Variants in RPAP1 observed in about 807,000 individuals in gnomAD.
The protein encoded by RPAP1 is RNA polymerase II-associated protein 1.
RPAP1 carries 109 observed loss-of-function variants against 142.4 expected under a neutral mutation model. The observed-to-expected ratio is 0.77, with a 90% CI of 0.66 to 0.90. The LOEUF is 0.90. Ranked by LOEUF, RPAP1 falls within the 40% of genes least tolerant of loss-of-function variation. The pLI, the probability that RPAP1 is intolerant of heterozygous loss-of-function variation, is 0.00. For missense variants in RPAP1, 1,546 were observed against 1,751.7 expected (o/e 0.88, Z 2.10); for synonymous variants, 704 against 738.9 (o/e 0.95, Z 0.77).
rs78303591 is a variant in RPAP1, at chr15:41,521,875, C to T, written c.2901G>A (p.Ala967=). Residue 967 remains alanine (A), a synonymous_variant, in exon 21 of 25, where the codon GCG becomes GCA. Coordinates refer to ENST00000304330, the MANE Select transcript of RPAP1 (RefSeq NM_015540.4). ...LALALAQKAA[A]LQPLPATHAA... ...CATGGGTGGCTGGCAGTGGCTGCAG[C>T]GCTGCCTGCAGACAGAAAAGCAGGG... 2.4e-5 allele frequency: 38 copies of T among 1,613,420 alleles called. No individual in the cohort carries two copies. The East Asian group carries it at 6.7e-4, about 28-fold the overall frequency.
chr15:41,529,535 G>A lies in RPAP1; in HGVS notation c.1093C>T (p.Leu365=), dbSNP rs2051827080. The part of the protein sequence containing the change: ...MQARFSLQGE[L]LAPDVDLPTH... The stretch of plus-strand genomic sequence containing the variant: ...GGCAGGTCCACGTCAGGGGCCAGTA[G>A]TTCTCCCTGAAGACTGAATCGAGCC... Residue 365 remains leucine (L), a synonymous_variant, in exon 9 of 25, where the codon CTA becomes TTA. Coordinates refer to ENST00000304330, the MANE Select transcript of RPAP1 (RefSeq NM_015540.4). 1 of 1,613,344 alleles carries A rather than the reference G, an allele frequency of 6.2e-7. No homozygotes were observed. Among genetic ancestry groups the A allele is most frequent in the African/African-American group, 1.3e-5 (1 of 74,878 alleles).
intron 1 of RPAP1, among the ~76,000 whole-genome samples, chr15:41,537,998 C>T (rs1473443484): frequency 6.6e-6 from 1 of 152,084 alleles, no homozygotes; most frequent in Non-Finnish European, 1.5e-5. Flanking sequence ...AATCCCAGCA[C>T]TTTGGGAGGC....
Position 41,524,237 on chromosome 15 carries a change from A to G in RPAP1, c.2093T>C (p.Leu698Pro). Residue 698 changes from leucine (L) to proline (P), a missense_variant, in exon 16 of 25, where the codon CTG becomes CCG. Transcript: ENST00000304330. The stretch of plus-strand genomic sequence containing the variant: ...CGGCACCACCTGCAAGGCCCGCATC[A>G]GCACTGGGTAGAGCTCCCTAGGGAA... ...GYLYRELYPV[L>P]MRALQVVPRE... 1 of 1,536,106 alleles carries G rather than the reference A, an allele frequency of 6.5e-7. No homozygotes were observed. Among genetic ancestry groups the G allele is most frequent in the Non-Finnish European group, 8.8e-7 (1 of 1,142,120 alleles).
intron 17 of RPAP1, 45 bp downstream of exon 17, chr15:41,523,726 G>C: frequency 6.6e-7 from 1 of 1,513,946 alleles, no homozygotes; most frequent in Non-Finnish European, 9.0e-7. Flanking sequence ...TGTAGCTGAA[G>C]GCAGGGTGCG....
chr15:41,522,346 G>C (rs1270695075), intron 19 of RPAP1, 96 bp from the exon 20 acceptor site: 8 of 1,245,742 alleles, frequency 6.4e-6, no homozygotes, highest in Non-Finnish European at 8.9e-6. Flanking sequence ...AGGGAAATGA[G>C]TGCCAGCAGA....
chr15:41,517,950 G>A, intron 23 of RPAP1, 56 bp downstream of exon 23: 1 of 1,612,848 alleles, frequency 6.2e-7, no homozygotes, highest in Admixed American at 1.7e-5. Flanking sequence ...AGCTGGCCCA[G>A]AGGCAGCTCA....
In RPAP1 at chr15:41,521,080, C is replaced by T. The variant is rs1162349734; in HGVS notation, c.3106G>A (p.Val1036Ile). The change falls in exon 22 of 25, where the codon GTC (valine) becomes ATC (isoleucine). Residue 1036 changes from valine (V) to isoleucine (I), a missense_variant. Val to Ile is a conservative substitution (Grantham distance 29). Transcript: ENST00000304330. ...AGAGTCCCTTGCCCACACCGAGGGACCCTGCTGCTTCCTAACGACAGCTGG... is the reference window on the plus strand; with the variant it reads ...AGAGTCCCTTGCCCACACCGAGGGATCCTGCTGCTTCCTAACGACAGCTGG... ...SDQLSLGSSR[V>I]PRCGQGTLLA... 1 of 1,535,440 alleles carries T rather than the reference C, an allele frequency of 6.5e-7. No homozygotes were observed. The highest frequency in any genetic ancestry group is 8.8e-7 in the Non-Finnish European group (1 of 1,142,716).
rs375474364 is a variant in RPAP1 at position 41,523,822 on chromosome 15, G to C, written c.2385C>G (p.Pro795=). 4.3e-6 allele frequency: 7 copies of C among 1,609,468 alleles called. No individual in the cohort carries two copies. The Admixed American group carries it at 1.2e-4, about 27-fold the overall frequency. Residue 795 remains proline, a synonymous_variant, in exon 17 of 25, where the codon CCC becomes CCG. Coordinates refer to ENST00000304330, the MANE Select transcript of RPAP1 (RefSeq NM_015540.4). ...CTCCCAGGAACAACAGGCAGGCAAC[G>C]GGCACTGGGCCCACGGCTCTCCACA... ...PEMWRAVGPV[P]VACLLFLGAY...
At chr15:41,527,093 G>T in intron 13 of RPAP1, 25 bp from the exon 14 acceptor site, 1 of 1,612,410 alleles carries the variant, frequency 6.2e-7, no homozygotes, top group Non-Finnish European at 8.5e-7. Flanking sequence ...AGGTAAAAGG[G>T]AGGAAGGGAG....
At chr15:41,524,073 T>C (rs915408520) in intron 16 of RPAP1, 23 bp downstream of exon 16, 2 of 1,593,006 alleles carry the variant, frequency 1.3e-6, no homozygotes, top group Admixed American at 1.7e-5. Context: ...CCACCTGTCC[T>C]GTGGGTCCTG....
At chr15:41,536,080 G>C (rs762113685) in intron 4 of RPAP1, 49 bp downstream of exon 4, 1 of 1,398,656 alleles carries the variant, frequency 7.1e-7, no homozygotes, top group Admixed American at 1.7e-5. Context: ...TGCACTATGA[G>C]ACTCACCTGT....
chr15:41,535,376 T>C (rs940622684), intron 5 of RPAP1, 136 bp downstream of exon 5: 2 of 1,265,686 alleles, frequency 1.6e-6, no homozygotes, highest in Non-Finnish European at 2.2e-6. Context: ...AAGCCTCCCA[T>C]ACCTAGTATT....
intron 19 of RPAP1, 89 bp downstream of exon 19, chr15:41,522,676 C>A: frequency 1.8e-6 from 2 of 1,093,078 alleles, no homozygotes; most frequent in African/African-American, 1.7e-5. Context: ...AGGCGTGAGC[C>A]ACCGCGCCCA....
chr15:41,536,930 T>A lies in RPAP1; in HGVS notation c.181+15A>T. The A allele has an allele frequency of 1.2e-6, 2 of 1,610,978 alleles. No individual in the cohort carries two copies. The highest frequency in any genetic ancestry group is 1.7e-6 in the Non-Finnish European group (2 of 1,177,594). Reference sequence around the variant, plus strand: ...ACCCTCTCTACTTCTCAGCCTCACATCCATGGGAACTCACTGTCCAACATC... The same window carrying A: ...ACCCTCTCTACTTCTCAGCCTCACAACCATGGGAACTCACTGTCCAACATC... On this transcript the variant is annotated intron_variant, in intron 2 of 24. Transcript: ENST00000304330.
At position 41,523,787 on chromosome 15, in the gene RPAP1, T is replaced by C; in HGVS notation, c.2420A>G (p.Gln807Arg). ...ACLLFLGAYY[Q>R]AWSQQPSSCP... The stretch of plus-strand genomic sequence containing the variant: ...GGCACTCACTTGCTGGCTCCAGGCC[T>C]GGTAGTAGGCTCCCAGGAACAACAG... Residue 807 changes from glutamine (Q) to arginine (R), a missense_variant, in exon 17 of 25, where the codon CAG (glutamine) becomes CGG (arginine). By Grantham distance (43) the Gln-to-Arg change is conservative. Transcript: ENST00000304330. 1 of 1,602,506 alleles carries C rather than the reference T, an allele frequency of 6.2e-7. No individual in the cohort carries two copies.
Position 41,517,451 on chromosome 15 carries a change from A to G in RPAP1, c.*91T>C, listed in dbSNP as rs2051676325. ...TCTGCTCCTTGGTCTCCTGCCTACC[A>G]TTAGGACACAATGTTCTTCGTCTGG... On this transcript the variant is annotated 3_prime_UTR_variant, in exon 25 of 25. Transcript: ENST00000304330. 1 of 1,254,722 alleles carries G rather than the reference A, an allele frequency of 8.0e-7. No individual in the cohort carries two copies. The highest frequency in any genetic ancestry group is 1.5e-5 in the African/African-American group (1 of 66,668). The allele number at this position is 1,254,722 out of a possible 1,614,324, so 77.7% of individuals were successfully genotyped here. A position where few individuals can be genotyped will look rare whatever the true frequency, so the allele number is the denominator to read the frequency against.
At chr15:41,542,571 A>G (rs2051980791) in intron 1 of RPAP1, among the ~76,000 whole-genome samples, 1 of 152,250 alleles carries the variant, frequency 6.6e-6, no homozygotes, top group African/African-American at 2.4e-5. Flanking sequence ...CGAAGTATAC[A>G]GATGTGCCTT....
intron 23 of RPAP1, 62 bp from the exon 24 acceptor site, chr15:41,517,919 C>G (rs748210802): frequency 4.5e-5 from 73 of 1,613,182 alleles, no homozygotes; most frequent in Non-Finnish European, 5.8e-5. Context: ...ACTGGCCTTG[C>G]TTGACACTTA....
Position 41,517,433 on chromosome 15 carries a change from C to T in RPAP1, c.*109G>A, listed in dbSNP as rs2051676067. 4.6e-6 allele frequency: 5 copies of T among 1,085,044 alleles called. No homozygotes were observed. Among genetic ancestry groups the T allele is most frequent in the Non-Finnish European group, 6.6e-6 (5 of 760,178 alleles). The allele number at this position is 1,085,044 out of a possible 1,614,324, so 67.2% of individuals were successfully genotyped here. On this transcript the variant is annotated 3_prime_UTR_variant, in exon 25 of 25. Coordinates refer to ENST00000304330, the MANE Select transcript of RPAP1 (RefSeq NM_015540.4). ...TCCCAGGAAGGCAAGCCTTCTGCTC[C>T]TTGGTCTCCTGCCTACCATTAGGAC...
Sources: allele counts gnomAD v4.1 joint callset (sites outside exome capture counted in the v4.1 genomes callset), GRCh38; gene constraint gnomAD v4.1.1; transcripts MANE v1.5; gene names NCBI Gene and HGNC (gene_info 2026-07-23, HGNC 2026-07-21).